CFAP20DC: variants seen among roughly 807,000 people sequenced by gnomAD.
CFAP20DC encodes the protein CFAP20 domain containing.
In CFAP20DC, 84 loss-of-function variants were observed where a neutral mutation model predicts 101.7. That is an observed-to-expected ratio of 0.83 (90% CI 0.69 to 0.99). CFAP20DC has a LOEUF of 0.99. Among genes scored for constraint, CFAP20DC ranks in the 50% least tolerant of loss-of-function variants. The probability of loss-of-function intolerance (pLI) is 0.00; values close to 1 mark genes in which losing one functional copy is unlikely to be tolerated. For missense variants in CFAP20DC, 1,007 were observed against 970.3 expected (o/e 1.04, Z -0.50); for synonymous variants, 359 against 351.2 (o/e 1.02, Z -0.25).
chr3:58,960,593 G>C (rs1019747734), intron 4 of CFAP20DC, among the ~76,000 whole-genome samples: 1 of 151,712 alleles, frequency 6.6e-6, no homozygotes, highest in Non-Finnish European at 1.5e-5. Flanking sequence ...CTCTTTGGTA[G>C]TAGAAATGCA....
At position 58,806,354 on chromosome 3, in the gene CFAP20DC, G is replaced by GTT. The variant is rs59197884; in HGVS notation, c.2237+39_2237+40dup. ...GAAAAATGTACAATCTTCCAACTAAGTTTTTTTTTTTCTTAAATGTAGATT... is the reference window on the plus strand; with the variant it reads ...GAAAAATGTACAATCTTCCAACTAAGTTTTTTTTTTTTTCTTAAATGTAGATT... On this transcript the variant is annotated intron_variant, in intron 15 of 16. Transcript: ENST00000482387. 1.4e-3 allele frequency: 1,542 copies of GTT among 1,116,450 alleles called. 1 individual carries two copies. Among genetic ancestry groups the GTT allele is most frequent in the African/African-American group, 0.01 (644 of 63,428 alleles). 69.2% of individuals were successfully genotyped at this position (1,116,450 alleles called of 1,614,324 possible). A position where few individuals can be genotyped will look rare whatever the true frequency, so the allele number is the denominator to read the frequency against.
intron 15 of CFAP20DC, among the ~76,000 whole-genome samples, chr3:58,767,222 T>C (rs2070402237): frequency 6.6e-6 from 1 of 152,232 alleles, no homozygotes; most frequent in African/African-American, 2.4e-5. Flanking sequence ...TAACCCACTC[T>C]GCATTCTTCT....
chr3:58,939,908 C>A (rs6446003), intron 4 of CFAP20DC, among the ~76,000 whole-genome samples: 14,245 of 151,634 alleles, frequency 0.094, 2,220 homozygotes, highest in African/African-American at 0.33. Flanking sequence ...CTGGGATTAC[C>A]AGCGCGTGAC....
chr3:58,850,379 G>C (rs540136731), intron 12 of CFAP20DC, among the ~76,000 whole-genome samples: 1 of 152,190 alleles, frequency 6.6e-6, no homozygotes, highest in Admixed American at 6.5e-5. Context: ...CTGAGGTCGG[G>C]AGTTCGAGAC....
chr3:58,832,537 A>T (rs889476126), intron 13 of CFAP20DC, among the ~76,000 whole-genome samples: 1 of 152,212 alleles, frequency 6.6e-6, no homozygotes, highest in Non-Finnish European at 1.5e-5. Context: ...CATTGTAAAC[A>T]TAATGACCAA....
intron 6 of CFAP20DC, among the ~76,000 whole-genome samples, chr3:58,900,969 G>A (rs1156522506): frequency 6.6e-6 from 1 of 152,132 alleles, no homozygotes; most frequent in African/African-American, 2.4e-5. Flanking sequence ...TTATTAGGGG[G>A]AATGGCTTGT....
chr3:58,887,737 C>T (rs2081775147), intron 6 of CFAP20DC, among the ~76,000 whole-genome samples: 3 of 152,200 alleles, frequency 2.0e-5, no homozygotes, highest in South Asian at 2.1e-4. Context: ...TTCTGTATAT[C>T]TACTCCCCCT....
rs967673224 is a variant in CFAP20DC, at chr3:59,015,066, T to C, written c.278+24491A>G. 2.6e-5 allele frequency among the ~76,000 whole-genome samples: 4 copies of C among 152,054 alleles called. No individual in the cohort carries two copies. Among genetic ancestry groups the C allele is most frequent in the Non-Finnish European group, 4.4e-5 (3 of 67,992 alleles). The stretch of plus-strand genomic sequence containing the variant: ...CTCATTTCTGAGGTTAGGATGTGGA[T>C]GGAGTAGTGACAATGAAGGGACTAA... On this transcript the variant is annotated intron_variant, in intron 4 of 16. Transcript: ENST00000482387. This position sits in a 1 kb window ranked among gnomAD's most constrained non-coding sequence, Gnocchi z 5.4.
intron 13 of CFAP20DC, among the ~76,000 whole-genome samples, chr3:58,832,128 C>T (rs2108057120): frequency 6.6e-6 from 1 of 152,274 alleles, no homozygotes; most frequent in South Asian, 2.1e-4. Context: ...TCTCTTAGTC[C>T]TGTGCACATG....
At chr3:58,866,430 T>C (rs1559732794) in intron 11 of CFAP20DC, 136 bp downstream of exon 11, 1 of 648,482 alleles carries the variant, frequency 1.5e-6, no homozygotes, top group Non-Finnish European at 2.5e-6. Flanking sequence ...TGAGGTTAAA[T>C]AAGAAGATTT....
In CFAP20DC at chr3:58,717,773, G is replaced by T; in HGVS notation, c.198-145C>A. 2.9e-6 allele frequency: 1 copy of T among 340,816 alleles called. No individual in the cohort carries two copies. Among genetic ancestry groups the T allele is most frequent in the Non-Finnish European group, 5.8e-6 (1 of 173,402 alleles). 21.1% of individuals were successfully genotyped at this position (340,816 alleles called of 1,614,324 possible). ...GAATACTTTGGCTGGCAACTTATTAGCTAGAACTGGTGACTTGATCATCTC... is the reference window on the plus strand; with the variant it reads ...GAATACTTTGGCTGGCAACTTATTATCTAGAACTGGTGACTTGATCATCTC... On this transcript the variant is annotated intron_variant, in intron 3 of 3. Transcript: ENST00000486145. The surrounding 1 kb of genome is among the most constrained non-coding windows in gnomAD (Gnocchi z 4.1).
At chr3:58,829,769 C>T (rs951487944) in intron 14 of CFAP20DC, among the ~76,000 whole-genome samples, 1 of 152,092 alleles carries the variant, frequency 6.6e-6, no homozygotes, top group African/African-American at 2.4e-5. Context: ...AACAGGACAG[C>T]GATGAGAACA....
chr3:58,893,279 C>A (rs113065486), intron 6 of CFAP20DC, among the ~76,000 whole-genome samples: 6,523 of 152,142 alleles, frequency 0.043, 458 homozygotes, highest in African/African-American at 0.15. Context: ...CTCCTGACCT[C>A]GCAATCTGCC....
downstream of CFAP20DC, among the ~76,000 whole-genome samples, chr3:58,716,353 C>T (rs191565218): frequency 4.9e-3 from 742 of 150,962 alleles, 7 homozygotes; most frequent in African/African-American, 0.017. Context: ...TTAGTAGAGA[C>T]GGGGTTTCAC....
At chr3:58,842,371 G>C (rs931264327) in intron 13 of CFAP20DC, among the ~76,000 whole-genome samples, 2 of 152,210 alleles carry the variant, frequency 1.3e-5, no homozygotes, top group Admixed American at 6.5e-5. Flanking sequence ...AGGGGTCAGG[G>C]AGTTCCCTTT....
rs992318323 is a variant in CFAP20DC at position 59,045,385 on chromosome 3, T to TA, written c.205+843dup. Among the ~76,000 whole-genome samples, 734 of 148,998 alleles carry TA rather than the reference T, an allele frequency of 4.9e-3. 3 individuals are homozygous for TA. The highest frequency in any genetic ancestry group is 0.017 in the African/African-American group (691 of 40,880). ...AGAAGGAATAAGTAAATGATGAATG[T>TA]AAAAAAAAAACTTTATATTTGCTAA... On this transcript the variant is annotated intron_variant, in intron 3 of 16. Coordinates refer to ENST00000482387, the MANE Select transcript of CFAP20DC (RefSeq NM_001394063.1).
At chr3:59,000,639 A>G (rs911242023) in intron 4 of CFAP20DC, among the ~76,000 whole-genome samples, 8 of 152,084 alleles carry the variant, frequency 5.3e-5, no homozygotes, top group Admixed American at 4.6e-4. Context: ...ACTCAAGGAG[A>G]ATCGGGAAGA....
intron 6 of CFAP20DC, among the ~76,000 whole-genome samples, chr3:58,910,226 AT>A (rs1182855794): frequency 6.6e-6 from 1 of 151,822 alleles, no homozygotes; most frequent in East Asian, 1.9e-4. Flanking sequence ...CCTGGATGAA[AT>A]TTTCTGTTTC....
chr3:58,981,021 A>G (rs1228767216), intron 4 of CFAP20DC, among the ~76,000 whole-genome samples: 2 of 152,166 alleles, frequency 1.3e-5, no homozygotes, highest in Non-Finnish European at 2.9e-5. Context: ...CAGGATACAA[A>G]ATCAATGTGC....
Sources: allele counts gnomAD v4.1 joint callset (sites outside exome capture counted in the v4.1 genomes callset), GRCh38; gene constraint gnomAD v4.1.1; non-coding constraint Gnocchi (gnomAD v3.1); transcripts MANE v1.5; gene names NCBI Gene and HGNC (gene_info 2026-07-23, HGNC 2026-07-21).